The following ACTN3 variants were observed in gnomAD, a reference collection of about 807,000 sequenced individuals.
ACTN3 encodes alpha-actinin-3.
A neutral mutation model predicts 119.6 loss-of-function variants in ACTN3; 91 were observed. That is an observed-to-expected ratio of 0.76 (90% confidence interval 0.64 to 0.91). The LOEUF (loss-of-function observed/expected upper bound fraction) is 0.91, where lower values mean the gene tolerates loss of function less well. ACTN3 is among the 40% of genes least tolerant of loss of function. The probability of loss-of-function intolerance (pLI) is 0.00; values close to 1 mark genes in which losing one functional copy is unlikely to be tolerated. For synonymous variants in ACTN3, 456 were observed against 478.8 expected, an observed-to-expected ratio of 0.95 and a Z score of 0.62; for missense variants, 1,221 against 1,215.1, an observed-to-expected ratio of 1.00 and a Z score of -0.07.
Position 66,558,169 on chromosome 11 carries a change from C to G in ACTN3, c.1271C>G (p.Thr424Ser). Reference protein sequence around the residue: ...RQKASLHEAWTRGKEEMLSQR... With the variant: ...RQKASLHEAWSRGKEEMLSQR... Reference sequence around the variant, plus strand: ...AAGGCCTCCCTGCACGAAGCCTGGACCCGGGGTAGGTAGACCTACCTCATG... The same window carrying G: ...AAGGCCTCCCTGCACGAAGCCTGGAGCCGGGGTAGGTAGACCTACCTCATG... The change falls in exon 11 of 21, where the codon ACC (threonine) becomes AGC (serine). Residue 424 changes from threonine (T) to serine (S), a missense_variant. Transcript: ENST00000513398. 6.2e-7 allele frequency: 1 copy of G among 1,613,050 alleles called. No individual in the cohort carries two copies. Among genetic ancestry groups the G allele is most frequent in the Non-Finnish European group, 8.5e-7 (1 of 1,179,884 alleles).
chr11:66,549,765 T>G (rs1054912571), intron 1 of ACTN3, among the ~76,000 whole-genome samples: 1 of 150,010 alleles, frequency 6.7e-6, no homozygotes, highest in African/African-American at 2.4e-5. Flanking sequence ...AGAGTCATGT[T>G]TGGCACCACC....
In ACTN3 at chr11:66,550,756, C is replaced by CAG. The variant is rs748165540; in HGVS notation, c.148-482_148-481insGA. Among the ~76,000 whole-genome samples the CAG allele has an allele frequency of 2.8e-3, 430 of 152,338 alleles. 2 individuals are homozygous for CAG. The highest frequency in any genetic ancestry group is 0.01 in the Middle Eastern group (3 of 294). On this transcript the variant is annotated intron_variant, in intron 1 of 20. Transcript: ENST00000513398. ...GGTCTACTTGGAGGCCAATTTACAA[C>CAG]AACCCTAGAAGGTCAGTAGCACTGA...
At chr11:66,551,454 G>A (rs1298703487) in intron 2 of ACTN3, 74 bp from the exon 3 acceptor site, 2 of 1,572,494 alleles carry the variant, frequency 1.3e-6, no homozygotes, top group Non-Finnish European at 1.7e-6. Context: ...TTGGTGGGGA[G>A]GGGAGAGTTT....
rs558527412 is a variant in ACTN3 at position 66,559,531 on chromosome 11, C to T, written c.1427+145C>T. The stretch of plus-strand genomic sequence containing the variant: ...CGCCGTGGTACCCAGGTCCCATTCG[C>T]TCCGCCCCTCCTGGAACCCCACCCC... On this transcript the variant is annotated intron_variant, in intron 12 of 20. Coordinates refer to ENST00000513398, the MANE Select transcript of ACTN3 (RefSeq NM_001104.4). 2.6e-3 allele frequency: 2,069 copies of T among 808,166 alleles called. 30 individuals are homozygous for T. The African/African-American group carries it at 0.031, about 12-fold the overall frequency. The allele number at this position is 808,166 out of a possible 1,614,324, so 50.1% of individuals were successfully genotyped here. A position where few individuals can be genotyped will look rare whatever the true frequency, so the allele number is the denominator to read the frequency against.
rs1857825570 is a variant in ACTN3, at chr11:66,562,962, C to T, written c.2547+8C>T. On this transcript the variant is annotated splice_region_variant and intron_variant, in intron 20 of 20. Transcript: ENST00000513398. ...ATCTTGGCAGGAGACAAGGTGAGTC[C>T]CAGGCGGTGGAGGGGCTGGTGGGCT... 6.2e-7 allele frequency: 1 copy of T among 1,611,524 alleles called. No individual in the cohort carries two copies. The highest frequency in any genetic ancestry group is 8.5e-7 in the Non-Finnish European group (1 of 1,178,422).
chr11:66,546,833 C>T, upstream of ACTN3: 1 of 1,520,448 alleles, frequency 6.6e-7, no homozygotes, highest in East Asian at 2.5e-5. Flanking sequence ...CCCTCCTCCC[C>T]CATATTTAGT....
At chr11:66,555,665 C>T (rs1857577306) in intron 7 of ACTN3, among the ~76,000 whole-genome samples, 1 of 152,354 alleles carries the variant, frequency 6.6e-6, no homozygotes, top group Admixed American at 6.5e-5. Flanking sequence ...TCCCCTGGGG[C>T]ACGTCCTGCC....
At chr11:66,560,352 A>C (rs777236378) in intron 14 of ACTN3, 41 bp downstream of exon 14, 14 of 1,585,584 alleles carry the variant, frequency 8.8e-6, no homozygotes, top group Non-Finnish European at 1.1e-5. Flanking sequence ...GATGACAGGA[A>C]AGCTGGCCCC....
At chr11:66,546,443 C>A, upstream of ACTN3, 1 of 1,250,444 alleles carries the variant, frequency 8.0e-7, no homozygotes, top group Non-Finnish European at 1.1e-6. Context: ...GTTCCCCATG[C>A]CCGGGTGTCT....
At chr11:66,555,248 C>A in intron 6 of ACTN3, 38 bp from the exon 7 acceptor site, 1 of 1,613,872 alleles carries the variant, frequency 6.2e-7, no homozygotes, top group Non-Finnish European at 8.5e-7. Context: ...CCTCTGCCTG[C>A]AGCTGACCTT....
Position 66,562,177 on chromosome 11 carries a change from G to A in ACTN3, c.2322+9G>A. On this transcript the variant is annotated intron_variant, in intron 18 of 20. Coordinates refer to ENST00000513398, the MANE Select transcript of ACTN3 (RefSeq NM_001104.4). ...TCAACCACTTTGACAGGGTCAGCAG[G>A]GGCCTGGCCCTGTGGGGTAAGACAC... is the stretch of plus-strand genomic sequence containing the variant. 1.2e-6 allele frequency: 2 copies of A among 1,613,938 alleles called. No individual in the cohort carries two copies.
At chr11:66,557,354 T>A in intron 9 of ACTN3, 129 bp downstream of exon 9, 1 of 832,704 alleles carries the variant, frequency 1.2e-6, no homozygotes. Context: ...CCCAGCCTCC[T>A]CCTGTCCATC....
intron 1 of ACTN3, among the ~76,000 whole-genome samples, chr11:66,548,595 C>T (rs1207077719): frequency 1.3e-5 from 2 of 152,168 alleles, no homozygotes; most frequent in African/African-American, 2.4e-5. Context: ...TCTTGTCCAG[C>T]GTTGTTTATT....
chr11:66,550,000 G>A (rs372523579), intron 1 of ACTN3, among the ~76,000 whole-genome samples: 3 of 152,268 alleles, frequency 2.0e-5, no homozygotes, highest in African/African-American at 7.2e-5. Context: ...CAGCTCCCAG[G>A]GCATCTGGCA....
rs1161342501 is a variant in ACTN3, at chr11:66,560,062, C to T, written c.1522C>T (p.Arg508Trp). The T allele has an allele frequency of 6.1e-6, 8 of 1,312,046 alleles. No individual in the cohort carries two copies. The highest frequency in any genetic ancestry group is 4.8e-5 in the East Asian group (1 of 21,020). 81.3% of individuals were successfully genotyped at this position (1,312,046 alleles called of 1,614,324 possible). A position where few individuals can be genotyped will look rare whatever the true frequency, so the allele number is the denominator to read the frequency against. The change falls in exon 13 of 21, where the codon CGG becomes TGG. Residue 508 changes from arginine to tryptophan, a missense_variant. By Grantham distance (101) the Arg-to-Trp change is moderately radical (BLOSUM62 -3). Coordinates refer to ENST00000513398, the MANE Select transcript of ACTN3 (RefSeq NM_001104.4). ...CCTGGGCACCCTGACCCAGAAGAGG[C>T]GGGATGCGCTAGAGGTGGGGCTGGG... ...DNLGTLTQKRRDALERMEKLL... is the reference protein window; with the variant it reads ...DNLGTLTQKRWDALERMEKLL...
Position 66,562,949 on chromosome 11 carries a change from G to A in ACTN3, c.2542G>A (p.Asp848Asn). The A allele has an allele frequency of 5.0e-6, 8 of 1,613,172 alleles. No homozygotes were observed. Among genetic ancestry groups the A allele is most frequent in the East Asian group, 2.2e-5 (1 of 44,874 alleles). Reference sequence around the variant, plus strand: ...AGCTTCCTTCAAGATCTTGGCAGGAGACAAGGTGAGTCCCAGGCGGTGGAG... The same window carrying A: ...AGCTTCCTTCAAGATCTTGGCAGGAAACAAGGTGAGTCCCAGGCGGTGGAG... Reference protein sequence around the residue: ...VVASFKILAGDKNYITPEELR... With the variant: ...VVASFKILAGNKNYITPEELR... The change falls in exon 20 of 21, where the codon GAC (aspartate) becomes AAC (asparagine). Residue 848 changes from aspartate to asparagine, a missense_variant. Coordinates refer to ENST00000513398, the MANE Select transcript of ACTN3 (RefSeq NM_001104.4).
At chr11:66,559,654 C>T (rs1304169357) in intron 12 of ACTN3, among the ~76,000 whole-genome samples, 1 of 151,910 alleles carries the variant, frequency 6.6e-6, no homozygotes, top group African/African-American at 2.4e-5. Context: ...TCTCTTCACC[C>T]GGCTTACTGC....
In ACTN3 at chr11:66,551,655, G is replaced by T. The variant is rs771259886; in HGVS notation, c.382+8G>T. ...TGTCCATTGGTGCTGAAGGTGAGGA[G>T]GTGGCAGGAAGGGTCTTGGGCAGGG... is the stretch of plus-strand genomic sequence containing the variant. On this transcript the variant is annotated splice_region_variant and intron_variant, in intron 3 of 20. Transcript: ENST00000513398. 1.2e-5 allele frequency: 19 copies of T among 1,613,176 alleles called. No homozygotes were observed. In the Admixed American group the frequency reaches 3.2e-4, roughly 27 times the overall value.
chr11:66,551,681 C>T, intron 3 of ACTN3, 34 bp downstream of exon 3: 2 of 1,611,234 alleles, frequency 1.2e-6, no homozygotes, highest in Non-Finnish European at 1.7e-6. Context: ...TTGGGCAGGG[C>T]ACAGGGGCCT....
Sources: gnomAD v4.1 joint callset for allele counts (sites outside exome capture counted in the v4.1 genomes callset) on GRCh38, gnomAD v4.1.1 for gene constraint, MANE v1.5 for transcripts, NCBI Gene and HGNC (gene_info 2026-07-23, HGNC 2026-07-21) for gene names.